Variants in RNF217 observed in about 807,000 individuals in gnomAD.
The protein encoded by RNF217 is E3 ubiquitin-protein ligase RNF217.
In RNF217, 31 loss-of-function variants were observed where a neutral mutation model predicts 57.8. That is an observed-to-expected ratio of 0.54 (90% confidence interval 0.40 to 0.72). The LOEUF (loss-of-function observed/expected upper bound fraction) is 0.72. RNF217 is among the 30% of genes least tolerant of loss of function. The probability of loss-of-function intolerance (pLI) is 0.00; values close to 1 mark genes in which losing one functional copy is unlikely to be tolerated. For missense variants in RNF217, 696 were observed against 708.3 expected, an observed-to-expected ratio of 0.98 and a Z score of 0.20; for synonymous variants, 313 against 294.0, an observed-to-expected ratio of 1.06 and a Z score of -0.66.
At chr6:125,036,614 A>G (rs1786630910) in intron 1 of RNF217, among the ~76,000 whole-genome samples, 1 of 152,152 alleles carries the variant, frequency 6.6e-6, no homozygotes, top group African/African-American at 2.4e-5. Flanking sequence ...AATTTTTGCA[A>G]TCTATCCATC....
At chr6:124,974,849 G>A (rs900297225) in intron 1 of RNF217, among the ~76,000 whole-genome samples, 12 of 152,146 alleles carry the variant, frequency 7.9e-5, no homozygotes, top group Admixed American at 7.9e-4. Context: ...GTATCTTCTT[G>A]AATAGATAGC....
At chr6:125,015,053 A>T (rs1441071226) in intron 1 of RNF217, among the ~76,000 whole-genome samples, 1 of 152,124 alleles carries the variant, frequency 6.6e-6, no homozygotes, top group Non-Finnish European at 1.5e-5. Flanking sequence ...TACTTACTTC[A>T]TGTCTGAAGT....
At chr6:125,077,355 A>G (rs2114645026) in intron 4 of RNF217, among the ~76,000 whole-genome samples, 1 of 152,264 alleles carries the variant, frequency 6.6e-6, no homozygotes, top group South Asian at 2.1e-4. Context: ...TATATTTTTC[A>G]TTGTTTTAAT....
intron 3 of RNF217, among the ~76,000 whole-genome samples, chr6:125,066,545 C>T (rs1294827448): frequency 6.6e-6 from 1 of 152,154 alleles, no homozygotes; most frequent in Non-Finnish European, 1.5e-5. Context: ...AGCTCTCTCA[C>T]TTCTTACATG....
chr6:124,962,705 G>C lies in RNF217; in HGVS notation c.161G>C (p.Gly54Ala). 1 of 1,412,636 alleles carries C rather than the reference G, an allele frequency of 7.1e-7. No homozygotes were observed. Among genetic ancestry groups the C allele is most frequent in the Non-Finnish European group, 9.1e-7 (1 of 1,096,358 alleles). 87.5% of individuals were successfully genotyped at this position (1,412,636 alleles called of 1,614,324 possible). A position where few individuals can be genotyped will look rare whatever the true frequency, so the allele number is the denominator to read the frequency against. The part of the protein sequence containing the change: ...RAASAEPSGG[G>A]CGSDWGCADT... Reference sequence around the variant, plus strand: ...GCCTCCGCGGAGCCGAGCGGCGGTGGCTGCGGAAGCGACTGGGGCTGCGCG... The same window carrying C: ...GCCTCCGCGGAGCCGAGCGGCGGTGCCTGCGGAAGCGACTGGGGCTGCGCG... The change falls in exon 1 of 6, where the codon GGC becomes GCC. Residue 54 changes from glycine to alanine, a missense_variant. By Grantham distance (60) the Gly-to-Ala change is moderately conservative. Around this residue, in one of 2 missense-constraint regions of RNF217, gnomAD observed 465 missense variants for 386.8 expected, o/e 1.20. Transcript: ENST00000521654. The surrounding 1 kb of genome is among the most constrained non-coding windows in gnomAD (Gnocchi z 4.6).
At chr6:124,990,350 A>C (rs936140577) in intron 1 of RNF217, among the ~76,000 whole-genome samples, 1 of 152,178 alleles carries the variant, frequency 6.6e-6, no homozygotes, top group African/African-American at 2.4e-5. Flanking sequence ...TCTAATTTAT[A>C]TCCCGAGCTC....
chr6:125,014,836 G>A (rs1306132324), intron 1 of RNF217, among the ~76,000 whole-genome samples: 1 of 152,024 alleles, frequency 6.6e-6, no homozygotes, highest in African/African-American at 2.4e-5. Context: ...TTGTACTTTA[G>A]TGTAGTATTG....
intron 1 of RNF217, among the ~76,000 whole-genome samples, chr6:125,002,003 A>G (rs1785008742): frequency 6.6e-6 from 1 of 152,178 alleles, no homozygotes; most frequent in African/African-American, 2.4e-5. Flanking sequence ...GTGCTGTTGT[A>G]TTCTCCATAT....
chr6:125,048,408 T>C, intron 2 of RNF217: 1 of 541,666 alleles, frequency 1.8e-6, no homozygotes, highest in Admixed American at 3.4e-5. Context: ...GCAACAGAAA[T>C]AGAAAAAAAA....
intron 1 of RNF217, among the ~76,000 whole-genome samples, chr6:124,992,214 T>C (rs1382451073): frequency 6.6e-6 from 1 of 152,184 alleles, no homozygotes; most frequent in African/African-American, 2.4e-5. Context: ...ATAACTCCTT[T>C]TAACATTTTA....
chr6:124,970,775 G>A (rs775056028), intron 1 of RNF217, among the ~76,000 whole-genome samples: 8 of 152,202 alleles, frequency 5.3e-5, no homozygotes, highest in Admixed American at 5.2e-4. Context: ...ACATCAGAAA[G>A]AAGAAGCAAA....
intron 1 of RNF217, among the ~76,000 whole-genome samples, chr6:125,043,023 T>G (rs758824859): frequency 1.6e-4 from 24 of 152,072 alleles, no homozygotes; most frequent in Admixed American, 1.4e-3. Context: ...TGCAGTTTTC[T>G]ATTTAAATAG....
rs1050627129 is a variant in RNF217 at position 125,086,904 on chromosome 6, T to C, written c.*3967T>C. 1 of 152,152 alleles carries C rather than the reference T, an allele frequency of 6.6e-6. No individual in the cohort carries two copies. Among genetic ancestry groups the C allele is most frequent in the African/African-American group, 2.4e-5 (1 of 41,436 alleles). 9.4% of individuals were successfully genotyped at this position (152,152 alleles called of 1,614,324 possible). On this transcript the variant is annotated 3_prime_UTR_variant, in exon 6 of 6. Coordinates refer to ENST00000521654, the MANE Select transcript of RNF217 (RefSeq NM_001286398.3). ...TCCCAAGGCTCCAATTGAGCCTTTA[T>C]CTTTCAACCTTACCACCCAAGTATA...
At chr6:125,009,762 T>C (rs759518010) in intron 1 of RNF217, among the ~76,000 whole-genome samples, 1 of 152,164 alleles carries the variant, frequency 6.6e-6, no homozygotes, top group Admixed American at 6.5e-5. Flanking sequence ...GCATTCCATC[T>C]CCGTGCACAT....
rs546775110 is a variant in RNF217, at chr6:125,043,163, A to G, written c.883-2048A>G. ...TGGTCCAGTCTGCTGTTCATCTTTA[A>G]GAGCCGTCCCAAGGCTGTGATCTTT... On this transcript the variant is annotated intron_variant, in intron 1 of 5. Coordinates refer to ENST00000521654, the MANE Select transcript of RNF217 (RefSeq NM_001286398.3). Among the ~76,000 whole-genome samples, 39 of 152,158 alleles carry G rather than the reference A, an allele frequency of 2.6e-4. No homozygotes were observed. The South Asian group carries it at 7.9e-3, about 31-fold the overall frequency.
At chr6:124,999,621 A>C (rs985845906) in intron 1 of RNF217, among the ~76,000 whole-genome samples, 4 of 152,202 alleles carry the variant, frequency 2.6e-5, no homozygotes, top group Non-Finnish European at 4.4e-5. Flanking sequence ...ACATTTGCTT[A>C]ATCTTGAAAG....
At chr6:124,969,904 A>G (rs889628547) in intron 1 of RNF217, among the ~76,000 whole-genome samples, 1 of 152,112 alleles carries the variant, frequency 6.6e-6, no homozygotes, top group African/African-American at 2.4e-5. Context: ...TTACGAAGGG[A>G]TTTTTGAGAA....
At position 125,091,417 on chromosome 6, in the gene RNF217, A is replaced by T. The variant is rs1174230351; in HGVS notation, c.*8480A>T. ...GGTCCCTCTATTTAAAGTGCTAAGG[A>T]GAAAGCATATCTTTAGGGATGTATA... On this transcript the variant is annotated 3_prime_UTR_variant, in exon 6 of 6. Coordinates refer to ENST00000521654, the MANE Select transcript of RNF217 (RefSeq NM_001286398.3). 6.6e-6 allele frequency: 1 copy of T among 152,088 alleles called. No individual in the cohort carries two copies. Among genetic ancestry groups the T allele is most frequent in the East Asian group, 1.9e-4 (1 of 5,202 alleles). 9.4% of individuals were successfully genotyped at this position (152,088 alleles called of 1,614,324 possible).
intron 1 of RNF217, among the ~76,000 whole-genome samples, chr6:125,001,809 T>C (rs1480281965): frequency 3.3e-5 from 5 of 152,184 alleles, no homozygotes; most frequent in Non-Finnish European, 7.3e-5. Flanking sequence ...ATGATTATTT[T>C]CTAATGCTGA....
Sources: gnomAD v4.1 joint callset for allele counts (sites outside exome capture counted in the v4.1 genomes callset) on GRCh38, gnomAD v4.1.1 for gene constraint, gnomAD v4.1.1 regional missense constraint, Gnocchi (gnomAD v3.1) non-coding constraint, MANE v1.5 for transcripts, NCBI Gene and HGNC (gene_info 2026-07-23, HGNC 2026-07-21) for gene names.